The following KIFAP3 variants were observed in gnomAD, a reference collection of about 807,000 sequenced individuals.
KIFAP3 encodes the protein kinesin associated protein 3, also known as kinesin-associated protein 3.
Under a neutral mutation model 106.5 loss-of-function variants are expected in KIFAP3, and 68 were observed. The observed-to-expected ratio is 0.64, with a 90% CI of 0.53 to 0.78. The LOEUF (loss-of-function observed/expected upper bound fraction) is 0.78, where lower values mean the gene tolerates loss of function less well. Among genes scored for constraint, KIFAP3 ranks in the 30% least tolerant of loss-of-function variants. The probability of loss-of-function intolerance (pLI) is 0.00; values close to 1 mark genes in which losing one functional copy is unlikely to be tolerated. For synonymous variants in KIFAP3, 320 were observed against 311.5 expected, an observed-to-expected ratio of 1.03 and a Z score of -0.29; for missense variants, 780 against 941.8, an observed-to-expected ratio of 0.83 and a Z score of 2.25.
In KIFAP3 at chr1:169,983,894, G is replaced by T. The variant is rs561168111; in HGVS notation, c.1394-512C>A. Among the ~76,000 whole-genome samples the T allele has an allele frequency of 2.0e-5, 3 of 151,900 alleles. No individual in the cohort carries two copies. In the South Asian group the frequency reaches 6.2e-4, roughly 32 times the overall value. ...GTGGCAATGAACTATATCCATAATA[G>T]TGAAGTAAACTATGGCAAAATTCTT... On this transcript the variant is annotated intron_variant, in intron 12 of 19. Coordinates refer to ENST00000361580, the MANE Select transcript of KIFAP3 (RefSeq NM_014970.4).
At chr1:170,081,298 T>TTAA (rs1396207157) in intron 1 of KIFAP3, among the ~76,000 whole-genome samples, 2 of 152,170 alleles carry the variant, frequency 1.3e-5, no homozygotes, top group African/African-American at 2.4e-5. Context: ...TGACTCAACT[T>TTAA]TATTAGTTAT....
At position 169,982,856 on chromosome 1, in the gene KIFAP3, C is replaced by G; in HGVS notation, c.1518G>C (p.Gly506=). 1 of 1,553,986 alleles carries G rather than the reference C, an allele frequency of 6.4e-7. No individual in the cohort carries two copies. Among genetic ancestry groups the G allele is most frequent in the Non-Finnish European group, 8.7e-7 (1 of 1,144,242 alleles). ...PTKNLFIDYV[G]DLAAQISNDE... ...CATTAGAGATCTGGGCTGCAAGGTC[C>G]CCAACATAATCCTGAATAAAACATA... Residue 506 remains glycine (G), a synonymous_variant, in exon 14 of 20, where the codon GGG becomes GGC. Coordinates refer to ENST00000361580, the MANE Select transcript of KIFAP3 (RefSeq NM_014970.4).
chr1:170,000,049 G>GT (rs1667579697), intron 10 of KIFAP3, among the ~76,000 whole-genome samples: 1 of 152,038 alleles, frequency 6.6e-6, no homozygotes, highest in African/African-American at 2.4e-5. Context: ...AATGTCTTCA[G>GT]TTTTTTCATC....
chr1:170,054,115 C>G (rs905899894), intron 2 of KIFAP3, among the ~76,000 whole-genome samples: 1 of 152,128 alleles, frequency 6.6e-6, no homozygotes, highest in Admixed American at 6.6e-5. Context: ...GTCTAATATC[C>G]AGAATCCACA....
chr1:169,953,113 C>T (rs1260178791), intron 19 of KIFAP3, among the ~76,000 whole-genome samples: 1 of 152,058 alleles, frequency 6.6e-6, no homozygotes, highest in African/African-American at 2.4e-5. Flanking sequence ...TAAAATGTTA[C>T]ACCTCTAGGA....
intron 15 of KIFAP3, among the ~76,000 whole-genome samples, chr1:169,980,456 T>C (rs1470591311): frequency 6.6e-6 from 1 of 152,160 alleles, no homozygotes; most frequent in East Asian, 1.9e-4. Flanking sequence ...TGGAGAAGAA[T>C]GAGCCCTGCC....
At chr1:169,984,920 T>A (rs1666738489) in intron 11 of KIFAP3, among the ~76,000 whole-genome samples, 1 of 151,702 alleles carries the variant, frequency 6.6e-6, no homozygotes, top group Non-Finnish European at 1.5e-5. Context: ...CTAAGTACAG[T>A]GGAGAATATA....
intron 11 of KIFAP3, among the ~76,000 whole-genome samples, chr1:169,989,571 T>C (rs561687102): frequency 1.3e-5 from 2 of 152,166 alleles, no homozygotes; most frequent in South Asian, 4.1e-4. Context: ...GCTACTCTTT[T>C]ATTGAAAACT....
chr1:170,037,245 A>T (rs1400138714), intron 5 of KIFAP3, among the ~76,000 whole-genome samples: 1 of 152,236 alleles, frequency 6.6e-6, no homozygotes, highest in African/African-American at 2.4e-5. Flanking sequence ...GCAAGCATAT[A>T]GCAGAAAAGA....
At chr1:170,082,426 AGAG>A (rs1672034623) in intron 1 of KIFAP3, among the ~76,000 whole-genome samples, 1 of 152,242 alleles carries the variant, frequency 6.6e-6, no homozygotes, top group Non-Finnish European at 1.5e-5. Flanking sequence ...TGCTAGTGAT[AGAG>A]GGTGGATAGA....
chr1:170,083,862 G>C (rs968166257), intron 1 of KIFAP3, among the ~76,000 whole-genome samples: 2 of 152,150 alleles, frequency 1.3e-5, no homozygotes, highest in African/African-American at 4.8e-5. Flanking sequence ...ACGAAGAGTT[G>C]ATATTTTGTT....
chr1:169,978,156 C>T lies in KIFAP3; in HGVS notation c.1826G>A (p.Cys609Tyr). Reference sequence around the variant, plus strand: ...CTGGTAGAAGACATAAATTATCTGACACACAAATTCATCATCTTCTTGTTG... The same window carrying T: ...CTGGTAGAAGACATAAATTATCTGATACACAAATTCATCATCTTCTTGTTG... The part of the protein sequence containing the change: ...NAQQEDDEFV[C>Y]QIIYVFYQMV... Residue 609 changes from cysteine (C) to tyrosine (Y), a missense_variant, in exon 16 of 20, where the codon TGT becomes TAT. By Grantham distance (194) the Cys-to-Tyr change is radical. Coordinates refer to ENST00000361580, the MANE Select transcript of KIFAP3 (RefSeq NM_014970.4). 1 of 1,611,792 alleles carries T rather than the reference C, an allele frequency of 6.2e-7. No homozygotes were observed.
intron 2 of KIFAP3, among the ~76,000 whole-genome samples, chr1:170,048,793 G>A (rs1434457638): frequency 1.3e-5 from 2 of 152,044 alleles, no homozygotes; most frequent in Non-Finnish European, 2.9e-5. Context: ...TGTGCTACCT[G>A]GCCCGGGTAC....
chr1:169,955,338 T>C (rs964745342), intron 18 of KIFAP3, among the ~76,000 whole-genome samples: 1 of 152,130 alleles, frequency 6.6e-6, no homozygotes, highest in African/African-American at 2.4e-5. Flanking sequence ...TTAAGTGAAA[T>C]ATAAGACAAA....
chr1:170,030,233 A>G (rs916448548), intron 8 of KIFAP3, among the ~76,000 whole-genome samples: 2 of 151,958 alleles, frequency 1.3e-5, no homozygotes, highest in Non-Finnish European at 2.9e-5. Context: ...AAGAATGGAT[A>G]CAAAACTATC....
chr1:169,986,785 T>C (rs958386804), intron 11 of KIFAP3, among the ~76,000 whole-genome samples: 4 of 152,012 alleles, frequency 2.6e-5, no homozygotes, highest in Non-Finnish European at 4.4e-5. Context: ...AAAGTATTTA[T>C]TGCTAACAAA....
chr1:169,944,431 C>T (rs1360079905), intron 19 of KIFAP3, among the ~76,000 whole-genome samples: 1 of 152,206 alleles, frequency 6.6e-6, no homozygotes, highest in Non-Finnish European at 1.5e-5. Flanking sequence ...CAGAGGGTGT[C>T]ACATCCCTGG....
intron 2 of KIFAP3, among the ~76,000 whole-genome samples, chr1:170,051,159 G>GA (rs796560973): frequency 0.01 from 1,148 of 113,854 alleles, 3 homozygotes; most frequent in Middle Eastern, 0.033. Context: ...CAAGCAAATG[G>GA]AAAAAAAAAA....
chr1:169,971,543 C>T (rs1382644992), intron 17 of KIFAP3, among the ~76,000 whole-genome samples: 1 of 151,654 alleles, frequency 6.6e-6, no homozygotes, highest in Non-Finnish European at 1.5e-5. Context: ...TTAGTCAAAT[C>T]CAAAAAACAG....
Sources: allele counts gnomAD v4.1 joint callset (sites outside exome capture counted in the v4.1 genomes callset), GRCh38; gene constraint gnomAD v4.1.1; transcripts MANE v1.5; gene names NCBI Gene and HGNC (gene_info 2026-07-23, HGNC 2026-07-21).